Variants in PRKCA observed in about 807,000 individuals in gnomAD.
PRKCA encodes protein kinase C alpha.
In PRKCA, 27 loss-of-function variants were observed where a neutral mutation model predicts 87.0. The ratio of observed to expected loss-of-function variants is 0.31; its 90% CI spans 0.23 to 0.43. The LOEUF (loss-of-function observed/expected upper bound fraction) is 0.43. Among genes scored for constraint, PRKCA ranks in the 20% least tolerant of loss-of-function variants. The pLI is 1.00. For synonymous variants in PRKCA, 329 were observed against 311.1 expected (o/e 1.06, Z -0.61); for missense variants, 518 against 852.3 (o/e 0.61, Z 4.88).
intron 8 of PRKCA, among the ~76,000 whole-genome samples, chr17:66,697,262 T>C (rs562159929): frequency 6.6e-6 from 1 of 152,332 alleles, no homozygotes; most frequent in Non-Finnish European, 1.5e-5. Context: ...ACTATCCCAA[T>C]AGAATCTAAA....
intron 8 of PRKCA, among the ~76,000 whole-genome samples, chr17:66,707,090 C>T (rs184865891): frequency 1.1e-4 from 17 of 152,260 alleles, no homozygotes; most frequent in Admixed American, 2.6e-4. Context: ...ATGACACCCC[C>T]TTTTCTGACT....
Position 66,804,772 on chromosome 17 carries a change from GA to G in PRKCA, c.*737del, listed in dbSNP as rs1380478286. ...GGCCAAATCGTCTAAGGACGTTGCTGAACAAGCGTGTGAAATCATTTCAGAT... is the reference window on the plus strand; with the variant it reads ...GGCCAAATCGTCTAAGGACGTTGCTGACAAGCGTGTGAAATCATTTCAGAT... On this transcript the variant is annotated 3_prime_UTR_variant, in exon 17 of 17. Coordinates refer to ENST00000413366, the MANE Select transcript of PRKCA (RefSeq NM_002737.3). 1 of 156,466 alleles carries G rather than the reference GA, an allele frequency of 6.4e-6. No homozygotes were observed. The highest frequency in any genetic ancestry group is 1.4e-5 in the Non-Finnish European group (1 of 71,696). 9.7% of individuals were successfully genotyped at this position (156,466 alleles called of 1,614,324 possible).
At chr17:66,624,791 T>C (rs1313018659) in intron 3 of PRKCA, among the ~76,000 whole-genome samples, 1 of 39,676 alleles carries the variant, frequency 2.5e-5, no homozygotes, top group African/African-American at 6.6e-5. Context: ...CCATCTCAAA[T>C]AAATAAATAA....
At chr17:66,762,971 A>G (rs987033448) in intron 13 of PRKCA, among the ~76,000 whole-genome samples, 3 of 152,144 alleles carry the variant, frequency 2.0e-5, no homozygotes, top group Admixed American at 2.0e-4. Flanking sequence ...TTGTATTTTT[A>G]GTAGAGACAG....
chr17:66,409,307 T>A (rs1911633466), intron 2 of PRKCA, among the ~76,000 whole-genome samples: 1 of 152,096 alleles, frequency 6.6e-6, no homozygotes, highest in Non-Finnish European at 1.5e-5. Flanking sequence ...CCTTAGGGGG[T>A]ACCATGTCTA....
intron 2 of PRKCA, among the ~76,000 whole-genome samples, chr17:66,317,854 G>A (rs1046238883): frequency 5.9e-5 from 9 of 152,102 alleles, no homozygotes; most frequent in African/African-American, 1.7e-4. Context: ...TGAATGAACT[G>A]TCCTAAAATG....
In PRKCA at chr17:66,483,337, G is replaced by A. The variant is rs549656622; in HGVS notation, c.206-12864G>A. Among the ~76,000 whole-genome samples, 4 of 152,148 alleles carry A rather than the reference G, an allele frequency of 2.6e-5. No homozygotes were observed. In the South Asian group the frequency reaches 6.2e-4, roughly 24 times the overall value. ...TCCCCCTGGCTTCTGGTGGTTTCCCGGCAATCTTTGGCATTCCTTGGCTTG... is the reference window on the plus strand; with the variant it reads ...TCCCCCTGGCTTCTGGTGGTTTCCCAGCAATCTTTGGCATTCCTTGGCTTG... On this transcript the variant is annotated intron_variant, in intron 2 of 16. Transcript: ENST00000413366.
At chr17:66,449,343 G>A (rs1435042743) in intron 2 of PRKCA, among the ~76,000 whole-genome samples, 1 of 151,994 alleles carries the variant, frequency 6.6e-6, no homozygotes, top group Admixed American at 6.6e-5. Context: ...TAAAGTGAAT[G>A]GATAGGTAGA....
chr17:66,647,224 G>A (rs910821959), intron 5 of PRKCA, among the ~76,000 whole-genome samples: 2 of 152,170 alleles, frequency 1.3e-5, no homozygotes, highest in African/African-American at 2.4e-5. Context: ...TTTTGCAGCC[G>A]AGGGGAAAAT....
chr17:66,802,715 G>A (rs1247997456), intron 16 of PRKCA, among the ~76,000 whole-genome samples: 1 of 152,204 alleles, frequency 6.6e-6, no homozygotes, highest in African/African-American at 2.4e-5. Flanking sequence ...CCTTGGGCAG[G>A]AGGTGTGATT....
At chr17:66,542,230 T>C (rs2143140485) in intron 3 of PRKCA, among the ~76,000 whole-genome samples, 1 of 152,340 alleles carries the variant, frequency 6.6e-6, no homozygotes, top group East Asian at 1.9e-4. Context: ...TATGACCTTT[T>C]TCTTTCTTTA....
intron 3 of PRKCA, among the ~76,000 whole-genome samples, chr17:66,619,332 G>A (rs1428054333): frequency 2.0e-5 from 3 of 152,134 alleles, no homozygotes; most frequent in African/African-American, 4.8e-5. Context: ...GGTGTCAACC[G>A]CTCCAAGTGA....
At chr17:66,575,894 T>G (rs1433283390) in intron 3 of PRKCA, among the ~76,000 whole-genome samples, 2 of 152,028 alleles carry the variant, frequency 1.3e-5, no homozygotes, top group Non-Finnish European at 2.9e-5. Context: ...GGTGGGTGGA[T>G]CATGAGGTCA....
chr17:66,417,219 T>G (rs2143772863), intron 2 of PRKCA, among the ~76,000 whole-genome samples: 1 of 151,828 alleles, frequency 6.6e-6, no homozygotes, highest in South Asian at 2.1e-4. Flanking sequence ...TTTTTTTTAA[T>G]ACAATAAAAA....
At chr17:66,517,027 T>C (rs1966989871) in intron 3 of PRKCA, among the ~76,000 whole-genome samples, 1 of 152,190 alleles carries the variant, frequency 6.6e-6, no homozygotes, top group Non-Finnish European at 1.5e-5. Context: ...GGTTCACGCC[T>C]GTAATCCCAG....
At chr17:66,413,935 A>T (rs1389887135) in intron 2 of PRKCA, among the ~76,000 whole-genome samples, 1 of 151,582 alleles carries the variant, frequency 6.6e-6, no homozygotes, top group Non-Finnish European at 1.5e-5. Context: ...AATCGCTTGA[A>T]CCAGGAGGCA....
intron 3 of PRKCA, among the ~76,000 whole-genome samples, chr17:66,502,313 C>T (rs374959274): frequency 1.3e-5 from 2 of 151,892 alleles, no homozygotes; most frequent in African/African-American, 4.8e-5. Context: ...TGGCTCACTG[C>T]AGCCTCCACC....
At chr17:66,351,157 A>C (rs1276362725) in intron 2 of PRKCA, among the ~76,000 whole-genome samples, 3 of 152,196 alleles carry the variant, frequency 2.0e-5, no homozygotes, top group Non-Finnish European at 1.5e-5. Flanking sequence ...GTGGGTATGC[A>C]GTGAATGTGG....
intron 3 of PRKCA, among the ~76,000 whole-genome samples, chr17:66,523,568 G>A (rs1435498609): frequency 6.6e-6 from 1 of 152,180 alleles, no homozygotes; most frequent in Non-Finnish European, 1.5e-5. Flanking sequence ...ATTAGCTTAT[G>A]TTTAACCAAA....
Sources: allele counts gnomAD v4.1 joint callset (sites outside exome capture counted in the v4.1 genomes callset), GRCh38; gene constraint gnomAD v4.1.1; transcripts MANE v1.5; gene names NCBI Gene and HGNC (gene_info 2026-07-23, HGNC 2026-07-21).